Variants in ABHD6 observed in about 807,000 individuals in gnomAD.
ABHD6 encodes monoacylglycerol lipase ABHD6.
A neutral mutation model predicts 38.8 loss-of-function variants in ABHD6; 33 were observed. The ratio of observed to expected loss-of-function variants is 0.85; its 90% CI spans 0.64 to 1.14. ABHD6 has a LOEUF of 1.14. Among genes scored for constraint, ABHD6 ranks in the 50% most tolerant of loss-of-function variants. The pLI is 0.00. For missense variants in ABHD6, 380 were observed against 422.6 expected (o/e 0.90, Z 0.88); for synonymous variants, 147 against 161.6 (o/e 0.91, Z 0.69).
At chr3:58,253,706 C>T (rs1197155327) in intron 2 of ABHD6, among the ~76,000 whole-genome samples, 1 of 152,164 alleles carries the variant, frequency 6.6e-6, no homozygotes, top group African/African-American at 2.4e-5. Flanking sequence ...ACATGATTGT[C>T]CCTACCCTCA....
chr3:58,254,452 G>A (rs1316074538), intron 2 of ABHD6, among the ~76,000 whole-genome samples: 5 of 152,200 alleles, frequency 3.3e-5, no homozygotes, highest in Non-Finnish European at 5.9e-5. Flanking sequence ...TGCTAAAATC[G>A]TCACCGTCTG....
intron 1 of ABHD6, among the ~76,000 whole-genome samples, chr3:58,243,183 T>C (rs1281546720): frequency 6.6e-6 from 1 of 152,176 alleles, no homozygotes; most frequent in Non-Finnish European, 1.5e-5. Context: ...AATAAACATA[T>C]GTGTTCATGT....
At chr3:58,244,373 C>T (rs184474596) in intron 1 of ABHD6, among the ~76,000 whole-genome samples, 5 of 152,002 alleles carry the variant, frequency 3.3e-5, no homozygotes, top group African/African-American at 1.2e-4. Flanking sequence ...GATATTTTTG[C>T]AAAAATGGCT....
chr3:58,278,806 G>C (rs1181730093), intron 7 of ABHD6, among the ~76,000 whole-genome samples: 5 of 152,100 alleles, frequency 3.3e-5, no homozygotes, highest in Non-Finnish European at 5.9e-5. Context: ...TTGTATCTTT[G>C]TTCTCATTGG....
chr3:58,239,504 C>A (rs6790967), intron 1 of ABHD6, among the ~76,000 whole-genome samples: 3,448 of 152,294 alleles, frequency 0.023, 141 homozygotes, highest in African/African-American at 0.078. Flanking sequence ...ATGAGACTTT[C>A]TCTATTTTCA....
chr3:58,277,399 T>G (rs2097449554), intron 7 of ABHD6, among the ~76,000 whole-genome samples: 1 of 152,352 alleles, frequency 6.6e-6, no homozygotes, highest in Non-Finnish European at 1.5e-5. Context: ...AGTTCACTCA[T>G]GATCTGGCTC....
intron 7 of ABHD6, among the ~76,000 whole-genome samples, chr3:58,281,745 T>G (rs1185831365): frequency 6.6e-6 from 1 of 152,230 alleles, no homozygotes; most frequent in African/African-American, 2.4e-5. Flanking sequence ...CTCGTTATAC[T>G]CTTAAAAATT....
At chr3:58,289,190 G>T (rs1428979897) in intron 9 of ABHD6, among the ~76,000 whole-genome samples, 1 of 151,944 alleles carries the variant, frequency 6.6e-6, no homozygotes, top group African/African-American at 2.4e-5. Context: ...AGGCAGCTGG[G>T]ACTACAGGCA....
chr3:58,261,090 A>G (rs1426223210), intron 3 of ABHD6, among the ~76,000 whole-genome samples: 1 of 152,214 alleles, frequency 6.6e-6, no homozygotes, highest in Non-Finnish European at 1.5e-5. Context: ...TGTAATGAAA[A>G]TATCAGGACT....
chr3:58,283,705 A>T (rs1306679112), intron 7 of ABHD6, among the ~76,000 whole-genome samples: 1 of 152,182 alleles, frequency 6.6e-6, no homozygotes, highest in Non-Finnish European at 1.5e-5. Flanking sequence ...TGGTTAATGC[A>T]GAGATGGAGG....
chr3:58,247,093 G>C (rs2097426953), intron 1 of ABHD6, among the ~76,000 whole-genome samples: 1 of 149,844 alleles, frequency 6.7e-6, no homozygotes, highest in Non-Finnish European at 1.5e-5. Context: ...CTGCAGTGCA[G>C]TGCACTGCAA....
intron 7 of ABHD6, among the ~76,000 whole-genome samples, chr3:58,282,694 C>A (rs1398584489): frequency 6.6e-6 from 1 of 152,110 alleles, no homozygotes; most frequent in Non-Finnish European, 1.5e-5. Context: ...CAAGATCATG[C>A]CACTGCACTC....
intron 1 of ABHD6, among the ~76,000 whole-genome samples, chr3:58,244,769 CA>C (rs1045942020): frequency 1.3e-5 from 2 of 151,002 alleles, no homozygotes; most frequent in Non-Finnish European, 3.0e-5. Flanking sequence ...AAAAAAAAAG[CA>C]AAAAAAAGCA....
chr3:58,254,871 C>T (rs1234780893), intron 2 of ABHD6, among the ~76,000 whole-genome samples: 2 of 151,052 alleles, frequency 1.3e-5, no homozygotes, highest in Admixed American at 1.3e-4. Context: ...CACACACACA[C>T]ACACACACAC....
chr3:58,264,412 C>T, intron 3 of ABHD6, among the ~76,000 whole-genome samples: 1 of 133,186 alleles, frequency 7.5e-6, no homozygotes, highest in Non-Finnish European at 1.5e-5. Context: ...CACACACACA[C>T]ACACACACAC....
intron 9 of ABHD6, among the ~76,000 whole-genome samples, chr3:58,292,887 G>A (rs1006572194): frequency 1.3e-5 from 2 of 152,168 alleles, no homozygotes; most frequent in African/African-American, 4.8e-5. Context: ...CTTCATTCCA[G>A]CCTGGGCGAA....
chr3:58,263,191 G>A lies in ABHD6; in HGVS notation c.120-3998G>A, dbSNP rs6808903. The stretch of plus-strand genomic sequence containing the variant: ...CCACTGCATTCCAGCCTGGGCAACA[G>A]AGCAAGACTCCATCTAAAAAATAAA... On this transcript the variant is annotated intron_variant, in intron 3 of 9. Coordinates refer to ENST00000478253, the MANE Select transcript of ABHD6 (RefSeq NM_001320126.2). The surrounding 1 kb of genome is among the most constrained non-coding windows in gnomAD (Gnocchi z 4.9). Among the ~76,000 whole-genome samples, 12,498 of 151,562 alleles carry A rather than the reference G, an allele frequency of 0.082. 602 individuals carry two copies. The highest frequency in any genetic ancestry group is 0.11 in the Middle Eastern group (31 of 294).
rs569646385 is a variant in ABHD6, at chr3:58,248,694, A to G, written c.-90-1184A>G. Reference sequence around the variant, plus strand: ...GCCTGGGCAACAAGAGCGAAACTCTATCTCAAAGAAAAAAAAAGAGAGAGA... The same window carrying G: ...GCCTGGGCAACAAGAGCGAAACTCTGTCTCAAAGAAAAAAAAAGAGAGAGA... On this transcript the variant is annotated intron_variant, in intron 1 of 9. Transcript: ENST00000478253. Among the ~76,000 whole-genome samples, 3 of 152,272 alleles carry G rather than the reference A, an allele frequency of 2.0e-5. No homozygotes were observed. The East Asian group carries it at 5.8e-4, about 29-fold the overall frequency.
intron 9 of ABHD6, among the ~76,000 whole-genome samples, chr3:58,288,613 C>CACCA (rs1553721958): frequency 1.3e-5 from 2 of 151,790 alleles, no homozygotes; most frequent in African/African-American, 4.8e-5. Flanking sequence ...GGGATAAACC[C>CACCA]ACTGACTGAC....
Sources: gnomAD v4.1 joint callset for allele counts (sites outside exome capture counted in the v4.1 genomes callset) on GRCh38, gnomAD v4.1.1 for gene constraint, Gnocchi (gnomAD v3.1) non-coding constraint, MANE v1.5 for transcripts, NCBI Gene and HGNC (gene_info 2026-07-23, HGNC 2026-07-21) for gene names.